The following MLLT3 variants were observed in gnomAD, a reference collection of about 807,000 sequenced individuals.
MLLT3 encodes protein AF-9.
A neutral mutation model predicts 53.2 loss-of-function variants in MLLT3; 4 were observed. The ratio of observed to expected loss-of-function variants is 0.08; its 90% confidence interval spans 0.04 to 0.17. MLLT3 has a LOEUF of 0.17. Among genes scored for constraint, MLLT3 ranks in the 10% least tolerant of loss-of-function variants. The pLI, the probability that MLLT3 is intolerant of heterozygous loss-of-function variation, is 1.00. For missense variants in MLLT3, 569 were observed against 684.0 expected, an observed-to-expected ratio of 0.83 and a Z score of 1.87; for synonymous variants, 283 against 230.6, an observed-to-expected ratio of 1.23 and a Z score of -2.06.
At chr9:20,596,565 C>T (rs1191884882) in intron 2 of MLLT3, among the ~76,000 whole-genome samples, 1 of 152,164 alleles carries the variant, frequency 6.6e-6, no homozygotes, top group Non-Finnish European at 1.5e-5. Context: ...GTGGTGCATG[C>T]CTGTAGTCCC....
intron 2 of MLLT3, among the ~76,000 whole-genome samples, chr9:20,550,393 T>C (rs545632281): frequency 6.6e-6 from 1 of 152,308 alleles, no homozygotes; most frequent in South Asian, 2.1e-4. Flanking sequence ...TGCACTTGGA[T>C]TTCTTCCTTG....
chr9:20,347,685 A>G (rs1820911493), intron 10 of MLLT3, among the ~76,000 whole-genome samples: 1 of 152,216 alleles, frequency 6.6e-6, no homozygotes, highest in South Asian at 2.1e-4. Context: ...GGGAGGCAGC[A>G]AAGTTAGTAT....
At chr9:20,478,448 A>T (rs1487491350) in intron 2 of MLLT3, among the ~76,000 whole-genome samples, 1 of 152,130 alleles carries the variant, frequency 6.6e-6, no homozygotes, top group Non-Finnish European at 1.5e-5. Context: ...ATGCCTCTTG[A>T]AAGTAAGCCA....
In MLLT3 at chr9:20,479,258, T is replaced by C. The variant is rs114304695; in HGVS notation, c.194-22472A>G. 1.9e-3 allele frequency among the ~76,000 whole-genome samples: 282 copies of C among 152,268 alleles called. 1 individual carries two copies. The highest frequency in any genetic ancestry group is 0.017 in the South Asian group (80 of 4,814). ...GCTCTTTTTATGCTTTCAGGTTTCTTAGGAAAGTTGTTAACTGTGTACTTG... is the reference window on the plus strand; with the variant it reads ...GCTCTTTTTATGCTTTCAGGTTTCTCAGGAAAGTTGTTAACTGTGTACTTG... On this transcript the variant is annotated intron_variant, in intron 2 of 10. Coordinates refer to ENST00000380338, the MANE Select transcript of MLLT3 (RefSeq NM_004529.4).
intron 2 of MLLT3, among the ~76,000 whole-genome samples, chr9:20,587,744 C>G (rs1016887433): frequency 6.6e-6 from 1 of 151,836 alleles, no homozygotes; most frequent in Non-Finnish European, 1.5e-5. Flanking sequence ...GATATTAGCC[C>G]TTTGTCAGAT....
At chr9:20,517,760 C>G (rs570823921) in intron 2 of MLLT3, among the ~76,000 whole-genome samples, 1 of 152,030 alleles carries the variant, frequency 6.6e-6, no homozygotes, top group African/African-American at 2.4e-5. Flanking sequence ...TTGCTTGAAC[C>G]TGGAAGACGG....
At chr9:20,437,928 T>C (rs1823446225) in intron 4 of MLLT3, among the ~76,000 whole-genome samples, 1 of 152,248 alleles carries the variant, frequency 6.6e-6, no homozygotes, top group African/African-American at 2.4e-5. Context: ...CCATGTTCTT[T>C]CAAAGGATTA....
At position 20,448,161 on chromosome 9, in the gene MLLT3, T is replaced by C. The variant is rs747894206; in HGVS notation, c.382A>G (p.Thr128Ala). 1.9e-6 allele frequency: 3 copies of C among 1,613,476 alleles called. No homozygotes were observed. The African/African-American group carries it at 4.0e-5, about 22-fold the overall frequency. ...AGCAACTTTCTCCTAAAGTCCTCTG[T>C]GGGGTTGTTGAAAGTTAGCTTTTCA... ...RCEKLTFNNPTEDFRRKLLKA... is the reference protein window; with the variant it reads ...RCEKLTFNNPAEDFRRKLLKA... Residue 128 changes from threonine to alanine, a missense_variant, in exon 4 of 11, where the codon ACA becomes GCA. By Grantham distance (58) the Thr-to-Ala change is moderately conservative (BLOSUM62 0). Around this residue, in one of 5 missense-constraint regions of MLLT3, gnomAD observed 39 missense variants for 68.8 expected, o/e 0.57. Transcript: ENST00000380338. This position sits in a 1 kb window ranked among gnomAD's most constrained non-coding sequence, Gnocchi z 4.0.
At chr9:20,453,431 T>G (rs911837621) in intron 3 of MLLT3, among the ~76,000 whole-genome samples, 3 of 151,998 alleles carry the variant, frequency 2.0e-5, no homozygotes, top group Admixed American at 2.0e-4. Context: ...TCCGTGGTGG[T>G]GCATGCCTGT....
chr9:20,373,004 AC>A (rs1821654414), intron 5 of MLLT3, among the ~76,000 whole-genome samples: 1 of 152,132 alleles, frequency 6.6e-6, no homozygotes, highest in South Asian at 2.1e-4. Context: ...ATTGTCTGGA[AC>A]CTAACCTGCA....
At chr9:20,420,344 A>C (rs1297466447) in intron 4 of MLLT3, among the ~76,000 whole-genome samples, 1 of 152,198 alleles carries the variant, frequency 6.6e-6, no homozygotes, top group Non-Finnish European at 1.5e-5. Flanking sequence ...GATCAGATAA[A>C]GGCTGTTACA....
chr9:20,531,668 G>A (rs1224407070), intron 2 of MLLT3, among the ~76,000 whole-genome samples: 2 of 152,086 alleles, frequency 1.3e-5, no homozygotes, highest in African/African-American at 4.8e-5. Flanking sequence ...AAGACAAGAA[G>A]TATGCCACTG....
chr9:20,592,125 A>G (rs1820145039), intron 2 of MLLT3, among the ~76,000 whole-genome samples: 3 of 152,240 alleles, frequency 2.0e-5, no homozygotes, highest in Admixed American at 2.0e-4. Flanking sequence ...ACCTATTCCA[A>G]TCACATATCC....
At chr9:20,489,219 G>A (rs557790080) in intron 2 of MLLT3, among the ~76,000 whole-genome samples, 2 of 152,136 alleles carry the variant, frequency 1.3e-5, no homozygotes, top group South Asian at 2.1e-4. Context: ...AAAGAATATT[G>A]GAAAAATAAA....
chr9:20,471,084 T>C (rs1180375282), intron 2 of MLLT3, among the ~76,000 whole-genome samples: 3 of 152,024 alleles, frequency 2.0e-5, no homozygotes, highest in African/African-American at 7.2e-5. Flanking sequence ...CCAGCCACCC[T>C]TTTTTAAAGA....
intron 4 of MLLT3, among the ~76,000 whole-genome samples, chr9:20,445,095 A>G (rs373822712): frequency 2.8e-5 from 4 of 144,946 alleles, no homozygotes; most frequent in African/African-American, 7.8e-5. Flanking sequence ...CATCTCAATT[A>G]AAAAAAAAAA....
In MLLT3 at chr9:20,343,183, C is replaced by CAAAAAAAAAAAAAAAAAAAAAAA. The variant is rs71334526; in HGVS notation, c.*3237_*3259dup. On this transcript the variant is annotated 3_prime_UTR_variant, in exon 11 of 11. Coordinates refer to ENST00000380338, the MANE Select transcript of MLLT3 (RefSeq NM_004529.4). ...TAGGTGGGCCTGTAAAAGATATCGG[C>CAAAAAAAAAAAAAAAAAAAAAAA]AAAAAAAAAAAAAAAAAAAAAAAAA... 2 of 40,130 alleles carry CAAAAAAAAAAAAAAAAAAAAAAA rather than the reference C, an allele frequency of 5.0e-5. No homozygotes were observed. The highest frequency in any genetic ancestry group is 2.6e-4 in the African/African-American group (2 of 7,824). 2.5% of individuals were successfully genotyped at this position (40,130 alleles called of 1,614,324 possible).
At chr9:20,365,616 A>G in intron 6 of MLLT3, 53 bp downstream of exon 6, 3 of 1,603,562 alleles carry the variant, frequency 1.9e-6, no homozygotes, top group Admixed American at 3.3e-5. Flanking sequence ...CCAAAGTGCC[A>G]TTAAGGTGTT....
At position 20,414,056 on chromosome 9, in the gene MLLT3, T is replaced by C. The variant is rs762794195; in HGVS notation, c.790A>G (p.Lys264Glu). Residue 264 changes from lysine to glutamate, a missense_variant, in exon 5 of 11, where the codon AAA becomes GAA. By Grantham distance (56) the Lys-to-Glu change is moderately conservative (BLOSUM62 1). Transcript: ENST00000380338. The stretch of plus-strand genomic sequence containing the variant: ...ATGGTGAGTAAGTTACTATCTGGTT[T>C]TGGCTCTTTTGACATGGGTTTAGGT... ...KEPKPMSKEP[K>E]PDSNLLTITS... 1.2e-6 allele frequency: 2 copies of C among 1,614,166 alleles called. No homozygotes were observed. The highest frequency in any genetic ancestry group is 3.3e-5 in the Admixed American group (2 of 60,024).
Sources: gnomAD v4.1 joint callset for allele counts (sites outside exome capture counted in the v4.1 genomes callset) on GRCh38, gnomAD v4.1.1 for gene constraint, gnomAD v4.1.1 regional missense constraint, Gnocchi (gnomAD v3.1) non-coding constraint, MANE v1.5 for transcripts, NCBI Gene and HGNC (gene_info 2026-07-23, HGNC 2026-07-21) for gene names.